MLLT3: variants seen among roughly 807,000 people sequenced by gnomAD.
The protein encoded by MLLT3 is protein AF-9.
In MLLT3, 4 loss-of-function variants were observed where a neutral mutation model predicts 53.2. The observed-to-expected ratio is 0.08, with a 90% CI of 0.04 to 0.17. The LOEUF is 0.17. Among genes scored for constraint, MLLT3 ranks in the 10% least tolerant of loss-of-function variants. The probability of loss-of-function intolerance (pLI) is 1.00; values close to 1 mark genes in which losing one functional copy is unlikely to be tolerated. For synonymous variants in MLLT3, 283 were observed against 230.6 expected, an observed-to-expected ratio of 1.23 and a Z score of -2.06; for missense variants, 569 against 684.0, an observed-to-expected ratio of 0.83 and a Z score of 1.87.
At chr9:20,373,708 T>A (rs765652504) in intron 5 of MLLT3, among the ~76,000 whole-genome samples, 3 of 152,192 alleles carry the variant, frequency 2.0e-5, no homozygotes, top group Non-Finnish European at 2.9e-5. Flanking sequence ...ACCTCATTAG[T>A]TACATTACGA....
chr9:20,426,077 A>C (rs927069060), intron 4 of MLLT3, among the ~76,000 whole-genome samples: 5 of 152,056 alleles, frequency 3.3e-5, no homozygotes, highest in Non-Finnish European at 5.9e-5. Context: ...TTTGTTTCAG[A>C]ATCCAATTTC....
chr9:20,371,149 A>G (rs1347207053), intron 5 of MLLT3, among the ~76,000 whole-genome samples: 1 of 152,220 alleles, frequency 6.6e-6, no homozygotes, highest in Non-Finnish European at 1.5e-5. Flanking sequence ...GCTGCAGACA[A>G]AAAGTTTGAT....
intron 10 of MLLT3, among the ~76,000 whole-genome samples, chr9:20,348,572 C>T (rs1820934698): frequency 6.6e-6 from 1 of 152,210 alleles, no homozygotes; most frequent in African/African-American, 2.4e-5. Flanking sequence ...CCACGGATTA[C>T]TTACCTCCAG....
intron 2 of MLLT3, among the ~76,000 whole-genome samples, chr9:20,517,197 G>A (rs72701912): frequency 0.032 from 4,909 of 152,120 alleles, 116 homozygotes; most frequent in Non-Finnish European, 0.044. Context: ...CAGAAAAACA[G>A]AAAAGGAAAA....
intron 10 of MLLT3, among the ~76,000 whole-genome samples, chr9:20,349,781 A>G (rs1201323420): frequency 1.3e-5 from 2 of 152,148 alleles, no homozygotes; most frequent in South Asian, 2.1e-4. Flanking sequence ...TACCTCCTCT[A>G]TCACCATGTT....
intron 2 of MLLT3, among the ~76,000 whole-genome samples, chr9:20,476,441 G>A (rs1824523100): frequency 6.6e-6 from 1 of 152,062 alleles, no homozygotes. Context: ...TTATCCACAT[G>A]TTCCCTGTTC....
chr9:20,453,692 C>G (rs1823893656), intron 3 of MLLT3, among the ~76,000 whole-genome samples: 1 of 152,150 alleles, frequency 6.6e-6, no homozygotes, highest in Non-Finnish European at 1.5e-5. Context: ...TCCAGAACAC[C>G]ATTACTCATT....
At chr9:20,501,473 C>T (rs112831986) in intron 2 of MLLT3, among the ~76,000 whole-genome samples, 5 of 152,252 alleles carry the variant, frequency 3.3e-5, no homozygotes, top group Admixed American at 1.3e-4. Flanking sequence ...CACACCCGGC[C>T]GGGCACGGTG....
intron 10 of MLLT3, among the ~76,000 whole-genome samples, chr9:20,352,147 T>C (rs1202096228): frequency 6.6e-6 from 1 of 152,212 alleles, no homozygotes; most frequent in Non-Finnish European, 1.5e-5. Flanking sequence ...CACCCCAAGG[T>C]AAGATCTGCC....
chr9:20,416,149 TTAAAA>T (rs1301080186), intron 4 of MLLT3, among the ~76,000 whole-genome samples: 3 of 151,990 alleles, frequency 2.0e-5, no homozygotes, highest in Non-Finnish European at 2.9e-5. Flanking sequence ...CTATGAATAA[TTAAAA>T]TAAAGTATAA....
intron 2 of MLLT3, among the ~76,000 whole-genome samples, chr9:20,540,960 A>G (rs1818614487): frequency 6.6e-6 from 1 of 152,208 alleles, no homozygotes; most frequent in Non-Finnish European, 1.5e-5. Flanking sequence ...TGCTAGAAAC[A>G]TCCAAGTCAA....
At chr9:20,582,876 G>C (rs1011366330) in intron 2 of MLLT3, among the ~76,000 whole-genome samples, 1 of 152,048 alleles carries the variant, frequency 6.6e-6, no homozygotes, top group African/African-American at 2.4e-5. Flanking sequence ...TTTGGGTGGG[G>C]GCACAGTCAA....
chr9:20,501,189 T>C (rs772323463), intron 2 of MLLT3, among the ~76,000 whole-genome samples: 3 of 152,224 alleles, frequency 2.0e-5, no homozygotes, highest in Non-Finnish European at 4.4e-5. Flanking sequence ...TTTATTCAAA[T>C]ATACCATTTC....
At chr9:20,481,438 T>C (rs1299884462) in intron 2 of MLLT3, among the ~76,000 whole-genome samples, 2 of 152,174 alleles carry the variant, frequency 1.3e-5, no homozygotes, top group African/African-American at 4.8e-5. Flanking sequence ...TGATATGCAG[T>C]TGGCGCTCCA....
chr9:20,616,930 T>C (rs1820846696), intron 2 of MLLT3, among the ~76,000 whole-genome samples: 1 of 152,192 alleles, frequency 6.6e-6, no homozygotes, highest in Non-Finnish European at 1.5e-5. Context: ...AAAATCTTAA[T>C]AGACCTTGCC....
intron 2 of MLLT3, among the ~76,000 whole-genome samples, chr9:20,543,291 A>G (rs1160565478): frequency 1.3e-5 from 2 of 152,206 alleles, no homozygotes; most frequent in Admixed American, 6.5e-5. Context: ...TAACTCACCC[A>G]GCTTTTGACA....
At chr9:20,553,798 T>C (rs955953638) in intron 2 of MLLT3, among the ~76,000 whole-genome samples, 3 of 152,008 alleles carry the variant, frequency 2.0e-5, no homozygotes, top group Admixed American at 2.0e-4. Context: ...TTAGAAACTT[T>C]CCTTGCCTGT....
At chr9:20,415,477 CAG>C in intron 4 of MLLT3, 3 of 966,074 alleles carry the variant, frequency 3.1e-6, no homozygotes, top group Non-Finnish European at 3.7e-6. Context: ...GAATAAGAAA[CAG>C]AGAAGATCCT....
Sources: gnomAD v4.1 joint callset for allele counts (sites outside exome capture counted in the v4.1 genomes callset) on GRCh38, gnomAD v4.1.1 for gene constraint, MANE v1.5 for transcripts, NCBI Gene and HGNC (gene_info 2026-07-23, HGNC 2026-07-21) for gene names.